LPP: variants seen among roughly 807,000 people sequenced by gnomAD.
LPP encodes lipoma-preferred partner.
LPP carries 38 observed loss-of-function variants against 60.4 expected under a neutral mutation model. The ratio of observed to expected loss-of-function variants is 0.63; its 90% confidence interval spans 0.49 to 0.83. The LOEUF (loss-of-function observed/expected upper bound fraction) is 0.83, where lower values mean the gene tolerates loss of function less well. Among genes scored for constraint, LPP ranks in the 40% least tolerant of loss-of-function variants. The pLI is 0.00. For synonymous variants in LPP, 328 were observed against 290.8 expected (o/e 1.13, Z -1.30); for missense variants, 902 against 783.6 (o/e 1.15, Z -1.80).
At chr3:188,286,894 T>A (rs1273798394) in intron 2 of LPP, among the ~76,000 whole-genome samples, 4 of 152,168 alleles carry the variant, frequency 2.6e-5, no homozygotes, top group African/African-American at 9.7e-5. Flanking sequence ...TATTTTTATT[T>A]ACCTGTTTAT....
At chr3:188,495,082 A>ATTTTTTTTT (rs373434961) in intron 5 of LPP, among the ~76,000 whole-genome samples, 1 of 97,270 alleles carries the variant, frequency 1.0e-5, no homozygotes, top group African/African-American at 4.0e-5. Flanking sequence ...ATATATATAT[A>ATTTTTTTTT]TTTTATTTAT....
rs1851229456 is a variant in LPP, at chr3:188,647,045, G to T, written c.1113+37201G>T. Among the ~76,000 whole-genome samples the T allele has an allele frequency of 2.0e-5, 3 of 152,338 alleles. No homozygotes were observed. In the South Asian group the frequency reaches 6.2e-4, roughly 32 times the overall value. ...TGGCCTAGTTCTTGGCCCATAATAG[G>T]TATTCAACTAATATTTACTTCTTTT... On this transcript the variant is annotated intron_variant, in intron 7 of 11. Coordinates refer to ENST00000617246, the MANE Select transcript of LPP (RefSeq NM_001375462.1).
At chr3:188,248,746 C>T (rs565629698) in intron 2 of LPP, among the ~76,000 whole-genome samples, 6 of 151,844 alleles carry the variant, frequency 4.0e-5, no homozygotes, top group African/African-American at 1.5e-4. Flanking sequence ...CACATGTGAC[C>T]TAATCTATAT....
At chr3:188,843,056 TTCA>T (rs1226096797) in intron 9 of LPP, among the ~76,000 whole-genome samples, 1 of 152,226 alleles carries the variant, frequency 6.6e-6, no homozygotes, top group African/African-American at 2.4e-5. Flanking sequence ...ATTAGCAGTC[TTCA>T]TCTTTTTGTT....
At chr3:188,155,632 G>T (rs1267550343) in intron 1 of LPP, among the ~76,000 whole-genome samples, 1 of 152,194 alleles carries the variant, frequency 6.6e-6, no homozygotes, top group African/African-American at 2.4e-5. Context: ...GACAGTGGGG[G>T]GTTAGGACAT....
At chr3:188,528,713 G>A (rs564754407) in intron 6 of LPP, among the ~76,000 whole-genome samples, 1 of 152,100 alleles carries the variant, frequency 6.6e-6, no homozygotes, top group African/African-American at 2.4e-5. Context: ...AAGATTAATG[G>A]TTTCTCCTTG....
At chr3:188,377,090 T>G (rs541579415) in intron 3 of LPP, among the ~76,000 whole-genome samples, 1 of 152,334 alleles carries the variant, frequency 6.6e-6, no homozygotes, top group African/African-American at 2.4e-5. Flanking sequence ...TAGTCTGATG[T>G]GCTTCCCTTT....
intron 3 of LPP, among the ~76,000 whole-genome samples, chr3:188,367,290 G>A (rs536811313): frequency 5.0e-4 from 76 of 152,170 alleles, no homozygotes; most frequent in Non-Finnish European, 8.8e-4. Context: ...CACAGGGTAT[G>A]TTTGTAGCAG....
At chr3:188,835,921 A>T (rs1758341621) in intron 9 of LPP, among the ~76,000 whole-genome samples, 1 of 152,210 alleles carries the variant, frequency 6.6e-6, no homozygotes, top group Non-Finnish European at 1.5e-5. Flanking sequence ...ATTGTCTCAG[A>T]TGTGCATCTT....
chr3:188,599,751 G>GGTGTGT (rs71169011), intron 6 of LPP, among the ~76,000 whole-genome samples: 16,599 of 139,690 alleles, frequency 0.12, 992 homozygotes, highest in Non-Finnish European at 0.13. Context: ...ACTCGTTAGG[G>GGTGTGT]GTGTGTGTGT....
intron 2 of LPP, among the ~76,000 whole-genome samples, chr3:188,328,225 C>G (rs1292241472): frequency 6.6e-6 from 1 of 151,780 alleles, no homozygotes; most frequent in African/African-American, 2.4e-5. Context: ...CTTTTTATAC[C>G]CTATTATATT....
chr3:188,501,423 G>T (rs1230913331), intron 5 of LPP, among the ~76,000 whole-genome samples: 1 of 152,094 alleles, frequency 6.6e-6, no homozygotes, highest in Non-Finnish European at 1.5e-5. Context: ...GACTAGCCTG[G>T]CCAACATAGT....
At chr3:188,765,679 T>C (rs1733798354) in intron 9 of LPP, among the ~76,000 whole-genome samples, 1 of 151,768 alleles carries the variant, frequency 6.6e-6, no homozygotes, top group South Asian at 2.1e-4. Flanking sequence ...TGGCCCATAC[T>C]AACATCCGTG....
chr3:188,502,152 C>T (rs1254317564), intron 5 of LPP, among the ~76,000 whole-genome samples: 2 of 152,124 alleles, frequency 1.3e-5, no homozygotes, highest in African/African-American at 4.8e-5. Flanking sequence ...TTGTTCAAGT[C>T]CTCTATTTCC....
intron 7 of LPP, among the ~76,000 whole-genome samples, chr3:188,625,197 T>G (rs868206210): frequency 1.3e-5 from 2 of 152,302 alleles, no homozygotes; most frequent in Middle Eastern, 6.8e-3. Context: ...GGGAAATTCA[T>G]TGATATTTAG....
chr3:188,301,987 A>C (rs1228795928), intron 2 of LPP, among the ~76,000 whole-genome samples: 4 of 151,952 alleles, frequency 2.6e-5, no homozygotes, highest in Non-Finnish European at 4.4e-5. Context: ...AAAGAAAAAA[A>C]AAACAACAAC....
rs552379122 is a variant in LPP, at chr3:188,421,460, A to C, written c.193+15147A>C. ...ATCATCCCTTCAACTGGAGCCTGCC[A>C]CTGTGTTTAATCAAGGCAGAAAGCA... On this transcript the variant is annotated intron_variant, in intron 4 of 11. Transcript: ENST00000617246. 2.0e-5 allele frequency among the ~76,000 whole-genome samples: 3 copies of C among 152,274 alleles called. No individual in the cohort carries two copies. The East Asian group carries it at 5.8e-4, about 29-fold the overall frequency.
intron 6 of LPP, among the ~76,000 whole-genome samples, chr3:188,605,950 C>T (rs1376466045): frequency 1.3e-5 from 2 of 152,140 alleles, no homozygotes; most frequent in African/African-American, 4.8e-5. Flanking sequence ...TAAACTGTCA[C>T]AATGACTGGA....
chr3:188,707,062 T>C (rs1195172828), intron 7 of LPP, among the ~76,000 whole-genome samples: 2 of 152,220 alleles, frequency 1.3e-5, no homozygotes, highest in Admixed American at 1.3e-4. Flanking sequence ...TTTTACATAC[T>C]TTTTATTCTT....
Sources: allele counts gnomAD v4.1 joint callset (sites outside exome capture counted in the v4.1 genomes callset), GRCh38; gene constraint gnomAD v4.1.1; transcripts MANE v1.5; gene names NCBI Gene and HGNC (gene_info 2026-07-23, HGNC 2026-07-21).